Variants in THSD4 observed in about 807,000 individuals in gnomAD.
THSD4 encodes the protein thrombospondin type 1 domain containing 4, also known as thrombospondin type-1 domain-containing protein 4.
A neutral mutation model predicts 119.0 loss-of-function variants in THSD4; 69 were observed. The ratio of observed to expected loss-of-function variants is 0.58; its 90% confidence interval spans 0.48 to 0.71. The LOEUF (loss-of-function observed/expected upper bound fraction) is 0.71. THSD4 is among the 30% of genes least tolerant of loss of function. THSD4 has a pLI of 0.00. For missense variants in THSD4, 1,393 were observed against 1,391.1 expected (o/e 1.00, Z -0.02); for synonymous variants, 524 against 540.4 (o/e 0.97, Z 0.42).
chr15:71,660,771 C>T, intron 8 of THSD4, 37 bp downstream of exon 8: 1 of 1,609,316 alleles, frequency 6.2e-7, no homozygotes, highest in South Asian at 1.1e-5. Flanking sequence ...ACCGTCTGTC[C>T]CTGCCAGATG....
At chr15:71,199,602 TG>T (rs2043758345) in intron 3 of THSD4, among the ~76,000 whole-genome samples, 40 of 114,168 alleles carry the variant, frequency 3.5e-4, no homozygotes, top group African/African-American at 1.4e-3. Flanking sequence ...GTGTGATGTA[TG>T]GTGTGTGTGG....
At chr15:71,659,229 A>G (rs933727786) in intron 7 of THSD4, among the ~76,000 whole-genome samples, 7 of 152,330 alleles carry the variant, frequency 4.6e-5, no homozygotes, top group Non-Finnish European at 7.3e-5. Context: ...TGTACTCACA[A>G]TATTTCATTG....
intron 7 of THSD4, among the ~76,000 whole-genome samples, chr15:71,556,816 T>G (rs1595882889): frequency 6.6e-6 from 1 of 151,654 alleles, no homozygotes; most frequent in African/African-American, 2.4e-5. Flanking sequence ...CTTTCTAAAC[T>G]CTTATTAATT....
intron 6 of THSD4, among the ~76,000 whole-genome samples, chr15:71,318,245 G>A (rs2045218352): frequency 6.6e-6 from 1 of 152,140 alleles, no homozygotes; most frequent in South Asian, 2.1e-4. Flanking sequence ...AGACAACTGA[G>A]CCTCCAAAGT....
intron 7 of THSD4, among the ~76,000 whole-genome samples, chr15:71,429,591 T>C (rs1472217211): frequency 6.6e-6 from 1 of 152,120 alleles, no homozygotes. Flanking sequence ...TCCTTTCCTT[T>C]GGGAGAGATG....
chr15:71,441,614 C>T (rs191150610), intron 7 of THSD4, among the ~76,000 whole-genome samples: 12 of 151,772 alleles, frequency 7.9e-5, no homozygotes, highest in Admixed American at 6.6e-4. Context: ...AGGCTGGTCT[C>T]GAACTGCTGA....
chr15:71,487,864 A>G (rs983512049), intron 7 of THSD4, among the ~76,000 whole-genome samples: 4 of 152,078 alleles, frequency 2.6e-5, no homozygotes, highest in East Asian at 1.9e-4. Flanking sequence ...CTATAATTTT[A>G]TATACTTTAT....
intron 2 of THSD4, among the ~76,000 whole-genome samples, chr15:71,154,545 C>T (rs1220848335): frequency 1.3e-5 from 2 of 152,232 alleles, no homozygotes; most frequent in Non-Finnish European, 2.9e-5. Flanking sequence ...ACCTCTAAGC[C>T]AGTTCCCGTT....
intron 16 of THSD4, among the ~76,000 whole-genome samples, chr15:71,768,386 A>C (rs915754483): frequency 6.6e-6 from 1 of 152,126 alleles, no homozygotes; most frequent in African/African-American, 2.4e-5. Context: ...ACAGTCAGCA[A>C]AATCCAGACT....
chr15:71,261,518 T>G (rs753156655), intron 6 of THSD4, among the ~76,000 whole-genome samples: 2 of 152,200 alleles, frequency 1.3e-5, no homozygotes, highest in African/African-American at 2.4e-5. Context: ...ACCTAGTGAC[T>G]GTTCCAATCC....
chr15:71,519,302 A>G (rs1470956598), intron 7 of THSD4, among the ~76,000 whole-genome samples: 1 of 152,228 alleles, frequency 6.6e-6, no homozygotes, highest in African/African-American at 2.4e-5. Context: ...ATTTTGCTCC[A>G]AGTGTAATGG....
At chr15:71,103,201 C>T (rs1482161866) in intron 1 of THSD4, among the ~76,000 whole-genome samples, 1 of 150,862 alleles carries the variant, frequency 6.6e-6, no homozygotes, top group Non-Finnish European at 1.5e-5. Context: ...TTTTGCGAGT[C>T]CAAACCTGCC....
At chr15:71,749,882 G>A (rs1338490863) in intron 14 of THSD4, among the ~76,000 whole-genome samples, 22 of 151,690 alleles carry the variant, frequency 1.5e-4, no homozygotes, top group Admixed American at 1.2e-3. Flanking sequence ...GACTATAGGT[G>A]CGCGCCACCA....
chr15:71,215,166 G>T lies in THSD4; in HGVS notation c.231G>T (p.Thr77=). 1 of 1,378,460 alleles carries T rather than the reference G, an allele frequency of 7.3e-7. No individual in the cohort carries two copies. The highest frequency in any genetic ancestry group is 1.6e-5 in the South Asian group (1 of 62,900). 85.4% of individuals were successfully genotyped at this position (1,378,460 alleles called of 1,614,324 possible). ...GCAGCGGCGGCGTGATGGAGCAGAC[G>T]CGGCCCTGCCTGCCCCGCTCCTACC... ...RSCSGGVMEQ[T]RPCLPRSYRL... is the part of the protein sequence containing the mutation. The change falls in exon 4 of 18, where the codon ACG becomes ACT. Residue 77 remains threonine (T), a synonymous_variant. Coordinates refer to ENST00000261862, the MANE Select transcript of THSD4 (RefSeq NM_024817.3).
intron 7 of THSD4, among the ~76,000 whole-genome samples, chr15:71,554,118 CT>C (rs2048978686): frequency 7.7e-6 from 1 of 130,030 alleles, no homozygotes; most frequent in South Asian, 2.8e-4. Flanking sequence ...CAGATGGAGT[CT>C]CGCTCTGTCG....
chr15:71,719,667 A>G (rs575320679), intron 8 of THSD4, among the ~76,000 whole-genome samples: 1 of 152,318 alleles, frequency 6.6e-6, no homozygotes, highest in African/African-American at 2.4e-5. Context: ...TTCTCTTGAA[A>G]TACAATTATC....
intron 5 of THSD4, among the ~76,000 whole-genome samples, chr15:71,245,553 G>A (rs553780888): frequency 3.9e-5 from 6 of 152,294 alleles, no homozygotes; most frequent in South Asian, 2.1e-4. Flanking sequence ...CTCATAGGCC[G>A]AAGAGCATAG....
At chr15:71,229,661 A>G (rs1306273950) in intron 4 of THSD4, among the ~76,000 whole-genome samples, 1 of 152,226 alleles carries the variant, frequency 6.6e-6, no homozygotes, top group Non-Finnish European at 1.5e-5. Context: ...TGCAGAACTC[A>G]TGGATATGGC....
In THSD4 at chr15:71,660,659, C is replaced by A. The variant is rs755818846; in HGVS notation, c.1282C>A (p.His428Asn). 1 of 1,614,178 alleles carries A rather than the reference C, an allele frequency of 6.2e-7. No individual in the cohort carries two copies. The highest frequency in any genetic ancestry group is 1.7e-5 in the Admixed American group (1 of 60,022). The change falls in exon 8 of 18, where the codon CAC becomes AAC. Residue 428 changes from histidine (H) to asparagine (N), a missense_variant. Transcript: ENST00000261862. ...FKHALTSLGY[H>N]RVVEIPEGAT... is the part of the protein sequence containing the mutation. ...GCATGCCCTCACCAGCCTGGGCTAC[C>A]ACCGCGTCGTGGAGATTCCCGAGGG...
Sources: allele counts gnomAD v4.1 joint callset (sites outside exome capture counted in the v4.1 genomes callset), GRCh38; gene constraint gnomAD v4.1.1; transcripts MANE v1.5; gene names NCBI Gene and HGNC (gene_info 2026-07-23, HGNC 2026-07-21).